Variants in HGF observed in about 807,000 individuals in gnomAD.
The protein encoded by HGF is hepatocyte growth factor.
Under a neutral mutation model 111.6 loss-of-function variants are expected in HGF, and 39 were observed. That is an observed-to-expected ratio of 0.35 (90% CI 0.27 to 0.46). The LOEUF (loss-of-function observed/expected upper bound fraction) is 0.46. Ranked by LOEUF, HGF falls within the 20% of genes least tolerant of loss-of-function variation. The pLI, the probability that HGF is intolerant of heterozygous loss-of-function variation, is 1.00. For synonymous variants in HGF, 285 were observed against 294.8 expected, an observed-to-expected ratio of 0.97 and a Z score of 0.34; for missense variants, 735 against 910.5, an observed-to-expected ratio of 0.81 and a Z score of 2.48.
chr7:81,729,917 A>G, intron 7 of HGF, 138 bp from the exon 8 acceptor site: 1 of 666,520 alleles, frequency 1.5e-6, no homozygotes, highest in South Asian at 2.0e-5. Context: ...AATTGAGTGG[A>G]ATAAGAAATT....
chr7:81,742,662 G>T (rs1384302291), intron 7 of HGF: 1 of 1,244,102 alleles, frequency 8.0e-7, no homozygotes, highest in Admixed American at 3.4e-5. Context: ...AGAGGACCAA[G>T]TTCACAGATT....
At chr7:81,733,771 C>T (rs866981943) in intron 7 of HGF, among the ~76,000 whole-genome samples, 2 of 152,094 alleles carry the variant, frequency 1.3e-5, no homozygotes, top group Middle Eastern at 3.4e-3. Flanking sequence ...TGATGAGGAC[C>T]ATGATGAATG....
chr7:81,745,623 A>C (rs576012829), intron 5 of HGF, among the ~76,000 whole-genome samples: 13 of 152,352 alleles, frequency 8.5e-5, no homozygotes, highest in African/African-American at 2.6e-4. Context: ...GACTGGCTTC[A>C]TATAGAAATC....
intron 5 of HGF, among the ~76,000 whole-genome samples, chr7:81,746,552 C>T (rs149387372): frequency 1.3e-5 from 2 of 152,048 alleles, no homozygotes; most frequent in East Asian, 3.9e-4. Flanking sequence ...TTTGTTCCTT[C>T]GTGTTGGATG....
chr7:81,751,086 TA>T (rs1393191439), intron 5 of HGF: 1 of 978,504 alleles, frequency 1.0e-6, no homozygotes, highest in Non-Finnish European at 1.2e-6. Context: ...GACAATTAGC[TA>T]ACAGTAGCCT....
At chr7:81,727,501 T>A (rs1790049330) in intron 8 of HGF, among the ~76,000 whole-genome samples, 2 of 152,154 alleles carry the variant, frequency 1.3e-5, no homozygotes, top group South Asian at 4.1e-4. Flanking sequence ...TAAGTGTTCA[T>A]AACCCATATT....
In HGF at chr7:81,699,622, T is replaced by G. The variant is rs1789232518; in HGVS notation, c.*2959A>C. On this transcript the variant is annotated 3_prime_UTR_variant, in exon 18 of 18. Coordinates refer to ENST00000222390, the MANE Select transcript of HGF (RefSeq NM_000601.6). ...AACCAGTATTTCTTTTAAAAAAGTT[T>G]AAAAACAACAATGAAATGCCTGACA... 1 of 151,660 alleles carries G rather than the reference T, an allele frequency of 6.6e-6. No individual in the cohort carries two copies. Among genetic ancestry groups the G allele is most frequent in the Non-Finnish European group, 1.5e-5 (1 of 67,706 alleles). 9.4% of individuals were successfully genotyped at this position (151,660 alleles called of 1,614,324 possible).
chr7:81,713,537 C>CA (rs11432359), intron 11 of HGF, among the ~76,000 whole-genome samples: 115,114 of 144,072 alleles, frequency 0.8, 45,462 homozygotes, highest in Middle Eastern at 0.87. Flanking sequence ...TACTCTGTCT[C>CA]AAAAAAAAAA....
At position 81,762,777 on chromosome 7, in the gene HGF, T is replaced by C; in HGVS notation, c.184A>G (p.Lys62Glu). 6.2e-7 allele frequency: 1 copy of C among 1,612,216 alleles called. No homozygotes were observed. The highest frequency in any genetic ancestry group is 1.7e-4 in the Middle Eastern group (1 of 6,058). The change falls in exon 2 of 18, where the codon AAA (lysine) becomes GAA (glutamate). Residue 62 changes from lysine to glutamate, a missense_variant. Lys to Glu is a moderately conservative substitution (Grantham distance 56). Coordinates refer to ENST00000222390, the MANE Select transcript of HGF (RefSeq NM_000601.6). ...KIDPALKIKT[K>E]KVNTADQCAN... ...CATTGGTCTGCAGTATTCACTTTTTTGGTTTTTATCTTCAGTGCTGGATCT... is the reference window on the plus strand; with the variant it reads ...CATTGGTCTGCAGTATTCACTTTTTCGGTTTTTATCTTCAGTGCTGGATCT...
At chr7:81,739,359 T>C (rs971821571) in intron 7 of HGF, among the ~76,000 whole-genome samples, 6 of 152,144 alleles carry the variant, frequency 3.9e-5, no homozygotes, top group African/African-American at 1.4e-4. Flanking sequence ...TCTGAAAGCT[T>C]TTTATTCATT....
chr7:81,732,758 A>G (rs568308090), intron 7 of HGF, among the ~76,000 whole-genome samples: 1 of 152,202 alleles, frequency 6.6e-6, no homozygotes, highest in Admixed American at 6.5e-5. Flanking sequence ...GAGGAATGAT[A>G]AAAGGTAAAT....
chr7:81,703,499 T>C (rs1485090017), intron 17 of HGF, among the ~76,000 whole-genome samples: 1 of 150,584 alleles, frequency 6.6e-6, no homozygotes, highest in Admixed American at 6.7e-5. Context: ...GATGAACAGA[T>C]AGCTTTATTT....
intron 5 of HGF, among the ~76,000 whole-genome samples, chr7:81,748,506 T>A (rs113623557): frequency 0.011 from 1,691 of 152,322 alleles, 31 homozygotes; most frequent in African/African-American, 0.037. Flanking sequence ...ATTCTTCTAA[T>A]TTTTCTTAAA....
intron 1 of HGF, among the ~76,000 whole-genome samples, chr7:81,768,789 CTTTCCAAACAGTGTCA>C (rs1165006076): frequency 6.6e-6 from 1 of 152,104 alleles, no homozygotes; most frequent in Non-Finnish European, 1.5e-5. Flanking sequence ...CAGAGTGACC[CTTTCCAAACAGTGTCA>C]TTTTCCAAAC....
intron 6 of HGF, among the ~76,000 whole-genome samples, chr7:81,744,435 A>G (rs897148428): frequency 1.3e-5 from 2 of 152,128 alleles, no homozygotes; most frequent in South Asian, 2.1e-4. Context: ...ACACACCAGG[A>G]CAAAGCAACC....
chr7:81,735,298 A>G (rs73712328), intron 7 of HGF, among the ~76,000 whole-genome samples: 7,701 of 152,156 alleles, frequency 0.051, 715 homozygotes, highest in African/African-American at 0.18. Context: ...AATGCTCAGG[A>G]GACAAGACTT....
intron 1 of HGF, among the ~76,000 whole-genome samples, chr7:81,768,848 G>A (rs1176365332): frequency 2.6e-5 from 4 of 152,034 alleles, no homozygotes; most frequent in African/African-American, 7.2e-5. Flanking sequence ...AAAACCAGGT[G>A]GGTTGAATGA....
At chr7:81,716,453 T>G (rs1789714966) in intron 11 of HGF, among the ~76,000 whole-genome samples, 1 of 152,198 alleles carries the variant, frequency 6.6e-6, no homozygotes, top group South Asian at 2.1e-4. Flanking sequence ...ATCATTTTAT[T>G]TGCCAACCTG....
chr7:81,762,138 T>C (rs1789117670), intron 2 of HGF, among the ~76,000 whole-genome samples: 2 of 152,134 alleles, frequency 1.3e-5, no homozygotes, highest in Admixed American at 6.5e-5. Context: ...AAACTCTCCA[T>C]TTAAGTCCCC....
Sources: gnomAD v4.1 joint callset for allele counts (sites outside exome capture counted in the v4.1 genomes callset) on GRCh38, gnomAD v4.1.1 for gene constraint, MANE v1.5 for transcripts, NCBI Gene and HGNC (gene_info 2026-07-23, HGNC 2026-07-21) for gene names.